Variants in PDE1C observed in about 807,000 individuals in gnomAD.
PDE1C encodes phosphodiesterase 1C, also known as dual specificity calcium/calmodulin-dependent 3',5'-cyclic nucleotide phosphodiesterase 1C.
PDE1C carries 62 observed loss-of-function variants against 93.1 expected under a neutral mutation model. That is an observed-to-expected ratio of 0.67 (90% CI 0.54 to 0.82). The LOEUF (loss-of-function observed/expected upper bound fraction) is 0.82. PDE1C is among the 40% of genes least tolerant of loss of function. The pLI is 0.00. For synonymous variants in PDE1C, 325 were observed against 310.1 expected, an observed-to-expected ratio of 1.05 and a Z score of -0.50; for missense variants, 742 against 884.6, an observed-to-expected ratio of 0.84 and a Z score of 2.04.
chr7:31,621,466 A>C, the PDE1C span, among the ~76,000 whole-genome samples: 62,463 of 118,924 alleles, frequency 0.53, 16,864 homozygotes, highest in East Asian at 0.81. Context: ...ATTCTTAAAG[A>C]AAAGAATTTT....
chr7:31,931,504 T>C (rs1804251906), intron 2 of PDE1C, among the ~76,000 whole-genome samples: 1 of 151,554 alleles, frequency 6.6e-6, no homozygotes, highest in African/African-American at 2.4e-5. Context: ...ACAAAGAAAA[T>C]AAAATACCTA....
chr7:32,083,845 A>G (rs1260584367), intron 3 of PDE1C, among the ~76,000 whole-genome samples: 2 of 152,190 alleles, frequency 1.3e-5, no homozygotes, highest in Non-Finnish European at 2.9e-5. Context: ...AGAGCTCCTA[A>G]AGGAAGCACT....
At chr7:31,895,617 T>TCTCTCC (rs1799204532) in intron 2 of PDE1C, among the ~76,000 whole-genome samples, 1 of 142,244 alleles carries the variant, frequency 7.0e-6, no homozygotes, top group African/African-American at 2.5e-5. Flanking sequence ...TCACTCTGTC[T>TCTCTCC]CTCTGATATG....
chr7:32,257,646 T>C (rs1337624147), intron 1 of PDE1C, among the ~76,000 whole-genome samples: 1 of 152,242 alleles, frequency 6.6e-6, no homozygotes, highest in African/African-American at 2.4e-5. Flanking sequence ...TTACTACTAC[T>C]ACTATAATTA....
At chr7:32,127,313 C>T (rs55708056) in intron 3 of PDE1C, among the ~76,000 whole-genome samples, 53,636 of 151,870 alleles carry the variant, frequency 0.35, 10,007 homozygotes, top group African/African-American at 0.47. Context: ...CATAAATATA[C>T]GTCCTATTGG....
intron 1 of PDE1C, among the ~76,000 whole-genome samples, chr7:32,396,410 C>T (rs999220412): frequency 1.3e-5 from 2 of 151,620 alleles, no homozygotes; most frequent in African/African-American, 2.4e-5. Context: ...CCCAGGAGGT[C>T]GAGGTGGCAG....
chr7:32,153,420 C>T (rs892127786), intron 3 of PDE1C, among the ~76,000 whole-genome samples: 5 of 152,134 alleles, frequency 3.3e-5, no homozygotes, highest in Admixed American at 6.5e-5. Flanking sequence ...ATGAAAGAAA[C>T]GGTGACCTAC....
intron 2 of PDE1C, among the ~76,000 whole-genome samples, chr7:32,170,512 A>G (rs1268337452): frequency 3.9e-5 from 6 of 152,190 alleles, no homozygotes; most frequent in African/African-American, 1.4e-4. Flanking sequence ...GTGTCTACAA[A>G]AGTAGAGCCT....
chr7:31,871,692 TAA>T (rs35043161), intron 6 of PDE1C, among the ~76,000 whole-genome samples: 68 of 141,392 alleles, frequency 4.8e-4, no homozygotes, highest in African/African-American at 6.5e-4. Context: ...CTGTTATGGT[TAA>T]AAAAAAAAAA....
At chr7:32,417,151 G>A (rs11978321) in intron 1 of PDE1C, among the ~76,000 whole-genome samples, 27,151 of 152,072 alleles carry the variant, frequency 0.18, 5,181 homozygotes, top group African/African-American at 0.48. Context: ...CGGTCCCAGG[G>A]AGCATAGTCA....
chr7:31,703,173 ACT>A, the PDE1C span, among the ~76,000 whole-genome samples: 1 of 152,112 alleles, frequency 6.6e-6, no homozygotes, highest in South Asian at 2.1e-4. Flanking sequence ...GCTATCAAAA[ACT>A]CTCAACAAAT....
At chr7:32,234,278 A>T (rs894729200) in intron 1 of PDE1C, among the ~76,000 whole-genome samples, 7 of 152,022 alleles carry the variant, frequency 4.6e-5, no homozygotes, top group Admixed American at 1.3e-4. Context: ...ACCCAACGAA[A>T]TATTTAAAAG....
At chr7:32,230,602 G>C (rs1197693871) in intron 1 of PDE1C, among the ~76,000 whole-genome samples, 1 of 152,136 alleles carries the variant, frequency 6.6e-6, no homozygotes, top group East Asian at 1.9e-4. Flanking sequence ...ATCCTTCTTG[G>C]CTCAGTGGCA....
chr7:32,420,699 C>T (rs1785414679), intron 1 of PDE1C, among the ~76,000 whole-genome samples: 1 of 150,412 alleles, frequency 6.6e-6, no homozygotes, highest in African/African-American at 2.5e-5. Flanking sequence ...ATTTGACAAA[C>T]TAAAATTAAT....
At chr7:31,686,746 GTGTC>G in the PDE1C span, 1 of 152,228 alleles carries the variant, frequency 6.6e-6, no homozygotes, top group African/African-American at 2.4e-5. Context: ...CTCTAGAAGA[GTGTC>G]TGGCATTTTG....
chr7:31,819,138 A>G (rs1788641534), intron 14 of PDE1C, among the ~76,000 whole-genome samples: 1 of 152,104 alleles, frequency 6.6e-6, no homozygotes, highest in Non-Finnish European at 1.5e-5. Context: ...TACAGCAATC[A>G]TGTTCCAGCA....
chr7:32,183,873 A>C (rs1803636634), intron 2 of PDE1C, among the ~76,000 whole-genome samples: 1 of 152,160 alleles, frequency 6.6e-6, no homozygotes, highest in East Asian at 1.9e-4. Context: ...CAACCTACAA[A>C]ATGGGAGAAA....
chr7:32,125,655 A>G (rs1393636222), intron 3 of PDE1C, among the ~76,000 whole-genome samples: 4 of 151,992 alleles, frequency 2.6e-5, no homozygotes, highest in Admixed American at 2.0e-4. Context: ...ACTCATAAGC[A>G]GGAGTTGAAC....
At chr7:32,292,239 T>C (rs1489426114) in intron 1 of PDE1C, among the ~76,000 whole-genome samples, 1 of 152,152 alleles carries the variant, frequency 6.6e-6, no homozygotes, top group East Asian at 1.9e-4. Context: ...AAGAATATAA[T>C]AATGTTAAGT....
Sources: gnomAD v4.1 joint callset for allele counts (sites outside exome capture counted in the v4.1 genomes callset) on GRCh38, gnomAD v4.1.1 for gene constraint, MANE v1.5 for transcripts, NCBI Gene and HGNC (gene_info 2026-07-23, HGNC 2026-07-21) for gene names.